TLN1: variants seen among roughly 807,000 people sequenced by gnomAD.
TLN1 encodes talin 1.
A neutral mutation model predicts 292.3 loss-of-function variants in TLN1; 56 were observed. That is an observed-to-expected ratio of 0.19 (90% CI 0.15 to 0.24). The LOEUF (loss-of-function observed/expected upper bound fraction) is 0.24. Ranked by LOEUF, TLN1 falls within the 10% of genes least tolerant of loss-of-function variation. The probability of loss-of-function intolerance (pLI) is 1.00; values close to 1 mark genes in which losing one functional copy is unlikely to be tolerated. For synonymous variants in TLN1, 1,119 were observed against 1,253.7 expected (o/e 0.89, Z 2.27); for missense variants, 2,433 against 3,248.2 (o/e 0.75, Z 6.10).
chr9:35,708,759 C>T (rs1047042529), intron 33 of TLN1, among the ~76,000 whole-genome samples: 5 of 152,174 alleles, frequency 3.3e-5, no homozygotes, highest in Admixed American at 1.3e-4. Context: ...TATCCAATCT[C>T]TATTTAGATA....
chr9:35,724,845 T>C lies in TLN1; in HGVS notation c.343A>G (p.Ile115Val), dbSNP rs536004861. The C allele has an allele frequency of 2.5e-6, 4 of 1,614,092 alleles. No homozygotes were observed. The highest frequency in any genetic ancestry group is 2.7e-5 in the African/African-American group (2 of 74,930). ...GGCCCCTTACCAATGCGGGCACAGA[T>C]GGTCATGAGCATGTCAGTGACAGTC... ...SKTVTDMLMT[I>V]CARIGITNHD... Residue 115 changes from isoleucine to valine, a missense_variant, in exon 4 of 57, where the codon ATC becomes GTC. Ile to Val is a conservative substitution (Grantham distance 29). Transcript: ENST00000314888. This position sits in a 1 kb window ranked among gnomAD's most constrained non-coding sequence, Gnocchi z 4.7.
chr9:35,720,481 T>C lies in TLN1; in HGVS notation c.1235A>G (p.Glu412Gly). Reference sequence around the variant, plus strand: ...CAGCATAGTAGACTCCTCATCTCCTTCCAGCCCAAAGTGATCCTTGCTTTT... The same window carrying C: ...CAGCATAGTAGACTCCTCATCTCCTCCCAGCCCAAAGTGATCCTTGCTTTT... ...KKKSKDHFGL[E>G]GDEESTMLED... The change falls in exon 12 of 57, where the codon GAA (glutamate) becomes GGA (glycine). Residue 412 changes from glutamate (E) to glycine (G), a missense_variant. Glu to Gly is a moderately conservative substitution (Grantham distance 98). Coordinates refer to ENST00000314888, the MANE Select transcript of TLN1 (RefSeq NM_006289.4). 6.2e-7 allele frequency: 1 copy of C among 1,614,118 alleles called. No individual in the cohort carries two copies. Among genetic ancestry groups the C allele is most frequent in the Middle Eastern group, 1.6e-4 (1 of 6,062 alleles).
chr9:35,711,153 CT>C (rs1251156465), intron 30 of TLN1, 71 bp from the exon 31 acceptor site: 2 of 1,610,292 alleles, frequency 1.2e-6, no homozygotes, highest in Non-Finnish European at 1.7e-6. Flanking sequence ...AAGTATTTAT[CT>C]TTTGCCTATA....
At position 35,706,305 on chromosome 9, in the gene TLN1, T is replaced by C. The variant is rs1825564192; in HGVS notation, c.5252A>G (p.Lys1751Arg). ...LTLAAVGAAS[K>R]TLSHPQQMAL... ...CATCTGCTGCGGGTGGCTCAGGGTC[T>C]TGGAGGCAGCACCCACTGCAGCCAG... is the stretch of plus-strand genomic sequence containing the variant. Residue 1751 changes from lysine to arginine, a missense_variant, in exon 40 of 57, where the codon AAG becomes AGG. By Grantham distance (26) the Lys-to-Arg change is conservative. Coordinates refer to ENST00000314888, the MANE Select transcript of TLN1 (RefSeq NM_006289.4). This position sits in a 1 kb window ranked among gnomAD's most constrained non-coding sequence, Gnocchi z 4.2. The C allele has an allele frequency of 6.2e-7, 1 of 1,613,668 alleles. No homozygotes were observed. Among genetic ancestry groups the C allele is most frequent in the African/African-American group, 1.3e-5 (1 of 74,922 alleles).
intron 48 of TLN1, among the ~76,000 whole-genome samples, chr9:35,701,824 T>G (rs542415951): frequency 8.0e-4 from 122 of 152,320 alleles, no homozygotes; most frequent in Admixed American, 1.3e-3. Flanking sequence ...AAGCTAGGTT[T>G]CTGGCTTTAG....
At position 35,719,331 on chromosome 9, in the gene TLN1, C is replaced by G; in HGVS notation, c.1688-49G>C. The stretch of plus-strand genomic sequence containing the variant: ...AACATGAGAGACAGGGCAGGCCAGA[C>G]GAAGGGCTGGGGAGGGAGCAAAGTC... On this transcript the variant is annotated intron_variant, in intron 15 of 56. Coordinates refer to ENST00000314888, the MANE Select transcript of TLN1 (RefSeq NM_006289.4). This position sits in a 1 kb window ranked among gnomAD's most constrained non-coding sequence, Gnocchi z 4.6. 6.3e-7 allele frequency: 1 copy of G among 1,577,826 alleles called. No individual in the cohort carries two copies. Among genetic ancestry groups the G allele is most frequent in the Non-Finnish European group, 8.7e-7 (1 of 1,153,790 alleles).
At position 35,708,403 on chromosome 9, in the gene TLN1, C is replaced by T. The variant is rs148120870; in HGVS notation, c.4408G>A (p.Ala1470Thr). The change falls in exon 34 of 57, where the codon GCA (alanine) becomes ACA (threonine). Residue 1470 changes from alanine (A) to threonine (T), a missense_variant. By Grantham distance (58) the Ala-to-Thr change is moderately conservative. This residue lies in a region of TLN1 where 1,384 missense variants were observed against 1,699.6 expected (regional missense o/e 0.81). Coordinates refer to ENST00000314888, the MANE Select transcript of TLN1 (RefSeq NM_006289.4). ...GLVEPTQFAR[A>T]NQAIQMACQS... ...CAGGCCATCTGAATTGCCTGGTTTG[C>T]ACGGGCAAACTGTGTGGGCTCCACT... 36 of 1,611,382 alleles carry T rather than the reference C, an allele frequency of 2.2e-5. No homozygotes were observed. In the African/African-American group the frequency reaches 4.5e-4, roughly 20 times the overall value.
At chr9:35,722,782 G>A in intron 8 of TLN1, 79 bp downstream of exon 8, 2 of 1,444,224 alleles carry the variant, frequency 1.4e-6, no homozygotes, top group Non-Finnish European at 9.7e-7. Context: ...CGGGGAGGAG[G>A]CAGGGGGCCA....
chr9:35,720,880 C>A lies in TLN1; in HGVS notation c.1138G>T (p.Val380Leu), dbSNP rs1825869400. 6.2e-7 allele frequency: 1 copy of A among 1,614,002 alleles called. No individual in the cohort carries two copies. Among genetic ancestry groups the A allele is most frequent in the Non-Finnish European group, 8.5e-7 (1 of 1,180,012 alleles). Residue 380 changes from valine to leucine, a missense_variant, in exon 11 of 57, where the codon GTA becomes TTA. Physicochemically the swap from Val to Leu is conservative, Grantham distance 32. This residue lies in a region of TLN1 where 57 missense variants were observed against 136.5 expected (regional missense o/e 0.42). Coordinates refer to ENST00000314888, the MANE Select transcript of TLN1 (RefSeq NM_006289.4). ...ATCTGCTCCCCTTCAGTTGTCTGTA[C>A]TGAGTAATAGCCATCTTGGTAATCT... The part of the protein sequence containing the change: ...FGDYQDGYYS[V>L]QTTEGEQIAQ...
chr9:35,715,282 T>G, intron 20 of TLN1, 95 bp from the exon 21 acceptor site: 1 of 1,483,904 alleles, frequency 6.7e-7, no homozygotes, highest in Non-Finnish European at 9.0e-7. Context: ...TTAAAATTCA[T>G]GTATTTTCCT....
In TLN1 at chr9:35,720,485, G is replaced by A. The variant is rs763063205; in HGVS notation, c.1231C>T (p.Leu411=). ...ATAGTAGACTCCTCATCTCCTTCCA[G>A]CCCAAAGTGATCCTTGCTTTTTTTC... is the stretch of plus-strand genomic sequence containing the variant. ...KKKKSKDHFG[L]EGDEESTMLE... Residue 411 remains leucine (L), a synonymous_variant, in exon 12 of 57, where the codon CTG becomes TTG. Transcript: ENST00000314888. 4 of 1,614,116 alleles carry A rather than the reference G, an allele frequency of 2.5e-6. No individual in the cohort carries two copies. Among genetic ancestry groups the A allele is most frequent in the Non-Finnish European group, 2.5e-6 (3 of 1,180,022 alleles).
chr9:35,724,548 C>T lies in TLN1; in HGVS notation c.511+24G>A. On this transcript the variant is annotated intron_variant, in intron 5 of 56. Transcript: ENST00000314888. The surrounding 1 kb of genome is among the most constrained non-coding windows in gnomAD (Gnocchi z 4.7). ...TTCCCACCCTTCCCATTTCAAAAGC[C>T]CTCTTTTTTCTAGTTCTGCTTACAC... The T allele has an allele frequency of 6.2e-7, 1 of 1,601,768 alleles. No homozygotes were observed. Among genetic ancestry groups the T allele is most frequent in the Non-Finnish European group, 8.5e-7 (1 of 1,173,804 alleles).
chr9:35,720,347 G>A (rs2131903005), intron 12 of TLN1, 86 bp downstream of exon 12: 4 of 1,558,360 alleles, frequency 2.6e-6, no homozygotes, highest in South Asian at 1.1e-5. Flanking sequence ...ACCATTCTAA[G>A]GACTCCCCAC....
chr9:35,710,980 T>A lies in TLN1; in HGVS notation c.4113+9A>T. 1 of 1,614,138 alleles carries A rather than the reference T, an allele frequency of 6.2e-7. No individual in the cohort carries two copies. Among genetic ancestry groups the A allele is most frequent in the Non-Finnish European group, 8.5e-7 (1 of 1,180,010 alleles). On this transcript the variant is annotated intron_variant, in intron 31 of 56. Coordinates refer to ENST00000314888, the MANE Select transcript of TLN1 (RefSeq NM_006289.4). ...CAACCTCAATGCCATCAGCCTGCCATGTGTCTACCTCCAATTCCCGCAGGG... is the reference window on the plus strand; with the variant it reads ...CAACCTCAATGCCATCAGCCTGCCAAGTGTCTACCTCCAATTCCCGCAGGG...
rs1474256095 is a variant in TLN1, at chr9:35,714,470, T to C, written c.2986-97A>G. ...GTCAGGATGTAGGGAACACTGGGGC[T>C]TGGTATTGGGAAAGAGGCTCTTGGC... is the stretch of plus-strand genomic sequence containing the variant. On this transcript the variant is annotated intron_variant, in intron 23 of 56. Coordinates refer to ENST00000314888, the MANE Select transcript of TLN1 (RefSeq NM_006289.4). This position sits in a 1 kb window ranked among gnomAD's most constrained non-coding sequence, Gnocchi z 4.6. The C allele has an allele frequency of 1.1e-5, 18 of 1,577,008 alleles. No homozygotes were observed. Among genetic ancestry groups the C allele is most frequent in the Middle Eastern group, 2.3e-4 (1 of 4,434 alleles).
rs1227335669 is a variant in TLN1, at chr9:35,717,761, G to A, written c.2021C>T (p.Ala674Val). Residue 674 changes from alanine (A) to valine (V), a missense_variant, in exon 18 of 57, where the codon GCT becomes GTT. Physicochemically the swap from Ala to Val is moderately conservative, Grantham distance 64 (BLOSUM62 0). Around this residue, in one of 7 missense-constraint regions of TLN1, gnomAD observed 617 missense variants for 770.6 expected, o/e 0.80. Coordinates refer to ENST00000314888, the MANE Select transcript of TLN1 (RefSeq NM_006289.4). The surrounding 1 kb of genome is among the most constrained non-coding windows in gnomAD (Gnocchi z 4.7). ...FQDALMQLAK[A>V]VASAAAALVL... is the part of the protein sequence containing the mutation. The stretch of plus-strand genomic sequence containing the variant: ...CAGGGCAGCTGCAGCACTTGCCACA[G>A]CTTTGGCGAGCTGCATTAGCGCATC... 3.1e-6 allele frequency: 5 copies of A among 1,608,068 alleles called. No homozygotes were observed. The highest frequency in any genetic ancestry group is 3.7e-4 in the Middle Eastern group (2 of 5,464).
Position 35,724,142 on chromosome 9 carries a change from T to G in TLN1, c.654+50A>C, listed in dbSNP as rs1283394891. 12 of 1,613,622 alleles carry G rather than the reference T, an allele frequency of 7.4e-6. No individual in the cohort carries two copies. The highest frequency in any genetic ancestry group is 9.3e-6 in the Non-Finnish European group (11 of 1,179,562). On this transcript the variant is annotated intron_variant, in intron 6 of 56. Coordinates refer to ENST00000314888, the MANE Select transcript of TLN1 (RefSeq NM_006289.4). The surrounding 1 kb of genome is among the most constrained non-coding windows in gnomAD (Gnocchi z 4.7). ...GGGTGCAAGGACACGCACACTGTGC[T>G]TCCGAGCCCTCCCTATTCCTGCCCC...
chr9:35,711,983 C>T (rs1477942047), intron 28 of TLN1, 22 bp downstream of exon 28: 2 of 1,612,036 alleles, frequency 1.2e-6, no homozygotes, highest in African/African-American at 1.3e-5. Flanking sequence ...CTACGTTCCC[C>T]CACCCCCTAC....
chr9:35,724,439 C>A lies in TLN1; in HGVS notation c.512-105G>T. The A allele has an allele frequency of 6.4e-7, 1 of 1,571,276 alleles. No individual in the cohort carries two copies. Among genetic ancestry groups the A allele is most frequent in the Non-Finnish European group, 8.7e-7 (1 of 1,150,492 alleles). On this transcript the variant is annotated intron_variant, in intron 5 of 56. Transcript: ENST00000314888. This position sits in a 1 kb window ranked among gnomAD's most constrained non-coding sequence, Gnocchi z 4.7. The stretch of plus-strand genomic sequence containing the variant: ...TACCTCCCCTCACTTAAATGTAAGT[C>A]CCATGAGTGTAGGACTTTGTTTTCT...
Sources: allele counts gnomAD v4.1 joint callset (sites outside exome capture counted in the v4.1 genomes callset), GRCh38; gene constraint gnomAD v4.1.1; regional missense constraint gnomAD v4.1.1; non-coding constraint Gnocchi (gnomAD v3.1); transcripts MANE v1.5; gene names NCBI Gene and HGNC (gene_info 2026-07-23, HGNC 2026-07-21).